Variants in LOC400499 observed in about 807,000 individuals in gnomAD.
At chr16:11,462,101 G>T in the LOC400499 span, 1 of 1,475,390 alleles carries the variant, frequency 6.8e-7, no homozygotes, top group Non-Finnish European at 9.0e-7. Flanking sequence ...GGGACAGAAG[G>T]GGTCTCATCT....
the LOC400499 span, among the ~76,000 whole-genome samples, chr16:11,375,013 T>C: frequency 6.6e-6 from 1 of 151,954 alleles, no homozygotes. Flanking sequence ...CACACCCAGC[T>C]AATTTTTGTA....
At chr16:11,423,942 C>A in the LOC400499 span, among the ~76,000 whole-genome samples, 1 of 152,258 alleles carries the variant, frequency 6.6e-6, no homozygotes, top group Non-Finnish European at 1.5e-5. Context: ...TGGCGGCCAC[C>A]CTCTGCCTTC....
chr16:11,417,535 A>C, the LOC400499 span: 36 of 398,000 alleles, frequency 9.0e-5, no homozygotes, highest in Middle Eastern at 1.9e-3. Context: ...TGGACTTGAC[A>C]GGAGTGCCAC....
At chr16:11,466,839 A>G in the LOC400499 span, among the ~76,000 whole-genome samples, 1 of 152,230 alleles carries the variant, frequency 6.6e-6, no homozygotes, top group African/African-American at 2.4e-5. Flanking sequence ...ATTAATCTCA[A>G]TGAAATCTAC....
the LOC400499 span, among the ~76,000 whole-genome samples, chr16:11,516,639 G>GATGTGCCACCCCAAA: frequency 6.6e-6 from 1 of 152,164 alleles, no homozygotes; most frequent in Non-Finnish European, 1.5e-5. Context: ...AGGCATTCTG[G>GATGTGCCACCCCAAA]ATGTGCCACC....
chr16:11,518,770 G>C, the LOC400499 span: 107 of 397,064 alleles, frequency 2.7e-4, no homozygotes, highest in African/African-American at 4.1e-4. Context: ...GCTACAGAGA[G>C]GTCACCCTAA....
the LOC400499 span, chr16:11,431,166 A>T: frequency 2.5e-6 from 1 of 398,988 alleles, no homozygotes; most frequent in Non-Finnish European, 4.4e-6. Flanking sequence ...TCCATTCCTC[A>T]GATGCCTTGA....
chr16:11,456,166 TC>T, the LOC400499 span, among the ~76,000 whole-genome samples: 3 of 152,020 alleles, frequency 2.0e-5, no homozygotes, highest in South Asian at 6.2e-4. Context: ...TGCCTCAGCC[TC>T]CCGAGTAGCT....
the LOC400499 span, chr16:11,491,928 G>T: frequency 2.5e-6 from 1 of 396,642 alleles, no homozygotes; most frequent in Non-Finnish European, 4.4e-6. Flanking sequence ...GCAGCAGGTG[G>T]ACCTGCTGCC....
chr16:11,438,208 C>T, the LOC400499 span, among the ~76,000 whole-genome samples: 3 of 152,174 alleles, frequency 2.0e-5, no homozygotes, highest in African/African-American at 7.2e-5. Flanking sequence ...GCTCCTGGAA[C>T]AAATGGTTAA....
At chr16:11,457,053 A>AC in the LOC400499 span, 59 of 1,503,564 alleles carry the variant, frequency 3.9e-5, no homozygotes, top group East Asian at 6.2e-4. Context: ...GAGAATGCCC[A>AC]CCCCCCCAAG....
At chr16:11,375,943 T>C in the LOC400499 span, among the ~76,000 whole-genome samples, 4 of 152,116 alleles carry the variant, frequency 2.6e-5, no homozygotes, top group Admixed American at 6.5e-5. Context: ...ATGGAGAACA[T>C]GTTGAGGCTG....
chr16:11,439,514 C>T, the LOC400499 span: 1 of 398,956 alleles, frequency 2.5e-6, no homozygotes, highest in Non-Finnish European at 4.4e-6. Context: ...AAATGTTGGT[C>T]CGTGAGGATG....
At chr16:11,424,183 G>A in the LOC400499 span, 10 of 399,296 alleles carry the variant, frequency 2.5e-5, no homozygotes, top group Admixed American at 2.2e-4. Flanking sequence ...TGGGTGTGAC[G>A]GAGGCTGGCA....
the LOC400499 span, among the ~76,000 whole-genome samples, chr16:11,377,924 T>C: frequency 6.6e-6 from 1 of 152,240 alleles, no homozygotes; most frequent in African/African-American, 2.4e-5. Flanking sequence ...CTTCTGCTTT[T>C]CTTTCCTGCC....
chr16:11,405,112 A>G, the LOC400499 span, among the ~76,000 whole-genome samples: 1 of 152,228 alleles, frequency 6.6e-6, no homozygotes, highest in African/African-American at 2.4e-5. Context: ...GCCACTTCTC[A>G]ATTCCATGGC....
chr16:11,440,246 A>G, the LOC400499 span, among the ~76,000 whole-genome samples: 5 of 152,190 alleles, frequency 3.3e-5, no homozygotes, highest in African/African-American at 1.2e-4. Flanking sequence ...TGGCTGCTAT[A>G]TATTCACCAA....
At chr16:11,467,518 G>T in the LOC400499 span, among the ~76,000 whole-genome samples, 1 of 152,092 alleles carries the variant, frequency 6.6e-6, no homozygotes, top group South Asian at 2.1e-4. Context: ...AGGCTGAGGT[G>T]GGAGGATCGC....
the LOC400499 span, chr16:11,516,444 C>A: frequency 1.5e-4 from 59 of 397,596 alleles, no homozygotes; most frequent in African/African-American, 9.3e-4. Flanking sequence ...CACATCCCCC[C>A]ACTAGATAGC....
Sources: gnomAD v4.1 joint callset for allele counts (sites outside exome capture counted in the v4.1 genomes callset) on GRCh38, gnomAD v4.1.1 for gene constraint, MANE v1.5 for transcripts.